Variants in CDIN1 observed in about 807,000 individuals in gnomAD.
CDIN1 encodes the protein CDAN1 interacting nuclease 1, also known as CDAN1-interacting nuclease 1.
Under a neutral mutation model 45.3 loss-of-function variants are expected in CDIN1, and 33 were observed. That is an observed-to-expected ratio of 0.73 (90% CI 0.55 to 0.97). CDIN1 has a LOEUF of 0.97. Among genes scored for constraint, CDIN1 ranks in the 50% least tolerant of loss-of-function variants. The probability of loss-of-function intolerance (pLI) is 0.00; values close to 1 mark genes in which losing one functional copy is unlikely to be tolerated. For missense variants in CDIN1, 303 were observed against 339.4 expected, an observed-to-expected ratio of 0.89 and a Z score of 0.84; for synonymous variants, 118 against 124.4, an observed-to-expected ratio of 0.95 and a Z score of 0.34.
intron 8 of CDIN1, chr15:36,706,931 G>A (rs2042887973): frequency 6.6e-6 from 1 of 152,028 alleles, no homozygotes; most frequent in Non-Finnish European, 1.5e-5. Context: ...TCATCTTTTG[G>A]GGGCATTAAG....
chr15:36,716,888 A>T (rs1008495150), intron 10 of CDIN1, among the ~76,000 whole-genome samples: 2 of 152,190 alleles, frequency 1.3e-5, no homozygotes, highest in African/African-American at 4.8e-5. Flanking sequence ...TTGAGGGGTT[A>T]ACAGTGAGAA....
chr15:36,629,781 C>T (rs538272598), intron 1 of CDIN1, among the ~76,000 whole-genome samples: 4 of 152,200 alleles, frequency 2.6e-5, no homozygotes, highest in African/African-American at 7.2e-5. Context: ...TGAGGAGAGG[C>T]GGGTGCTTCT....
chr15:36,657,792 A>C (rs1300052042), intron 4 of CDIN1, 41 bp from the exon 5 acceptor site: 1 of 1,528,462 alleles, frequency 6.5e-7, no homozygotes, highest in African/African-American at 1.4e-5. Context: ...CACTGCTCGC[A>C]CAACTTGATA....
intron 1 of CDIN1, chr15:36,641,828 C>T (rs1333819342): frequency 4.6e-5 from 7 of 152,166 alleles, no homozygotes; most frequent in Admixed American, 1.3e-4. Context: ...TTTTCCCATA[C>T]GTGTTACCTT....
chr15:36,781,539 T>C (rs1315346649), intron 10 of CDIN1, among the ~76,000 whole-genome samples: 1 of 152,194 alleles, frequency 6.6e-6, no homozygotes, highest in Non-Finnish European at 1.5e-5. Flanking sequence ...ACAATAGGTG[T>C]CCATTCTGCA....
At chr15:36,658,642 C>T (rs1052329658) in intron 5 of CDIN1, among the ~76,000 whole-genome samples, 1 of 152,132 alleles carries the variant, frequency 6.6e-6, no homozygotes, top group Admixed American at 6.5e-5. Context: ...TTTTTATTAC[C>T]TAGTATAATG....
chr15:36,689,409 A>G (rs2042164843), intron 5 of CDIN1, among the ~76,000 whole-genome samples: 2 of 152,158 alleles, frequency 1.3e-5, no homozygotes, highest in South Asian at 2.1e-4. Flanking sequence ...CCACTTACAT[A>G]TTAGTGATCT....
rs552767832 is a variant in CDIN1 at position 36,781,490 on chromosome 15, C to T, written c.717-26834C>T. 2.6e-5 allele frequency among the ~76,000 whole-genome samples: 4 copies of T among 152,296 alleles called. No homozygotes were observed. The East Asian group carries it at 7.7e-4, about 29-fold the overall frequency. ...GATTCTTTTTCCCGTGCTTTTCCTA[C>T]ATTGAACTAACTAATTCATGGTATG... On this transcript the variant is annotated intron_variant, in intron 10 of 10. Coordinates refer to ENST00000566621, the MANE Select transcript of CDIN1 (RefSeq NM_001321759.2).
chr15:36,748,063 T>G (rs2044509226), intron 10 of CDIN1, among the ~76,000 whole-genome samples: 1 of 152,176 alleles, frequency 6.6e-6, no homozygotes, highest in Non-Finnish European at 1.5e-5. Flanking sequence ...CAGTGGGAAA[T>G]AACTTTGGTT....
intron 1 of CDIN1, among the ~76,000 whole-genome samples, chr15:36,632,575 T>C (rs899007360): frequency 6.6e-6 from 1 of 152,200 alleles, no homozygotes; most frequent in African/African-American, 2.4e-5. Context: ...TGCCCTACCG[T>C]AGTTCAACCA....
chr15:36,620,229 T>C (rs2039112650), intron 1 of CDIN1, among the ~76,000 whole-genome samples: 1 of 151,980 alleles, frequency 6.6e-6, no homozygotes, highest in Admixed American at 6.6e-5. Context: ...CGGGCGCCTG[T>C]AGGCCCAGCT....
chr15:36,588,082 T>G (rs2037390751), intron 1 of CDIN1, among the ~76,000 whole-genome samples: 1 of 152,192 alleles, frequency 6.6e-6, no homozygotes, highest in Non-Finnish European at 1.5e-5. Context: ...AATTTTGCTT[T>G]GAAACAAAGT....
At chr15:36,671,651 A>G (rs2041456283) in intron 5 of CDIN1, among the ~76,000 whole-genome samples, 1 of 152,088 alleles carries the variant, frequency 6.6e-6, no homozygotes, top group South Asian at 2.1e-4. Context: ...CAGCAAACAT[A>G]TTATCCAGTT....
chr15:36,744,158 C>T (rs1595546776), intron 10 of CDIN1, among the ~76,000 whole-genome samples: 1 of 152,258 alleles, frequency 6.6e-6, no homozygotes. Flanking sequence ...GGCCCACTTT[C>T]CTTGCAGGCT....
intron 10 of CDIN1, among the ~76,000 whole-genome samples, chr15:36,788,093 TATATATATATA>T (rs1312909399): frequency 0.017 from 672 of 40,560 alleles, 12 homozygotes; most frequent in South Asian, 0.022. Context: ...TATATATATA[TATATATATATA>T]TATTTTTTTT....
intron 1 of CDIN1, chr15:36,614,258 C>T: frequency 1.7e-6 from 1 of 604,670 alleles, no homozygotes; most frequent in Non-Finnish European, 3.2e-6. Context: ...CCACCTAAGG[C>T]CAGCCTGCCC....
At chr15:36,715,705 G>C (rs889662317) in intron 10 of CDIN1, among the ~76,000 whole-genome samples, 1 of 152,124 alleles carries the variant, frequency 6.6e-6, no homozygotes, top group Non-Finnish European at 1.5e-5. Context: ...CTTCGATAAG[G>C]GTAAAATATG....
chr15:36,745,207 T>A (rs2044378004), intron 10 of CDIN1, among the ~76,000 whole-genome samples: 1 of 152,010 alleles, frequency 6.6e-6, no homozygotes, highest in African/African-American at 2.4e-5. Context: ...ACCATTAAAA[T>A]ATTTATATTA....
intron 10 of CDIN1, among the ~76,000 whole-genome samples, chr15:36,798,025 C>CAA (rs11307856): frequency 0.097 from 9,102 of 93,364 alleles, 373 homozygotes; most frequent in Middle Eastern, 0.14. Context: ...GAGTTATTAG[C>CAA]AAAAAAAAAA....
Sources: allele counts gnomAD v4.1 joint callset (sites outside exome capture counted in the v4.1 genomes callset), GRCh38; gene constraint gnomAD v4.1.1; transcripts MANE v1.5; gene names NCBI Gene and HGNC (gene_info 2026-07-23, HGNC 2026-07-21).